The following IRGM variants were observed in gnomAD, a reference collection of about 807,000 sequenced individuals.
IRGM encodes immunity-related GTPase family M protein.
For missense variants in IRGM, 288 were observed against 219.9 expected, an observed-to-expected ratio of 1.31 and a Z score of -1.96; for synonymous variants, 98 against 80.6, an observed-to-expected ratio of 1.22 and a Z score of -1.16.
chr5:150,849,358 A>G (rs113394348), downstream of IRGM, among the ~76,000 whole-genome samples: 1,899 of 152,328 alleles, frequency 0.012, 47 homozygotes, highest in African/African-American at 0.044. Flanking sequence ...TAACTAACGA[A>G]GGAATATAAA....
intron 3 of IRGM, chr5:150,897,020 T>A: frequency 6.9e-7 from 1 of 1,452,678 alleles, no homozygotes; most frequent in Non-Finnish European, 9.3e-7. Context: ...AAGAGTCAAT[T>A]AAGAGGGTAA....
intron 1 of IRGM, among the ~76,000 whole-genome samples, chr5:150,865,980 C>T (rs1235552850): frequency 6.6e-6 from 1 of 152,198 alleles, no homozygotes. Flanking sequence ...TGGTCTTAAA[C>T]TCCTGACCTC....
At position 150,847,846 on chromosome 5, in the gene IRGM, A is replaced by T. The variant is rs1753896763; in HGVS notation, c.-278A>T. 1.9e-5 allele frequency: 7 copies of T among 371,498 alleles called. No individual in the cohort carries two copies. In the South Asian group the frequency reaches 2.4e-4, roughly 13 times the overall value. The allele number at this position is 371,498 out of a possible 1,614,324, so 23.0% of individuals were successfully genotyped here. A position where few individuals can be genotyped will look rare whatever the true frequency, so the allele number is the denominator to read the frequency against. On this transcript the variant is annotated 5_prime_UTR_variant, in exon 2 of 2. Transcript: ENST00000522154. ...TGAGATGGAGTCTTGCTCTGTTGCC[A>T]GGCTGGAGTGCAATGGCGTGATCTC... is the stretch of plus-strand genomic sequence containing the variant.
intron 1 of IRGM, among the ~76,000 whole-genome samples, chr5:150,869,700 T>C (rs1754254742): frequency 6.6e-6 from 1 of 152,170 alleles, no homozygotes; most frequent in Non-Finnish European, 1.5e-5. Flanking sequence ...CCTGGTTTAA[T>C]CTGTGAGGGT....
chr5:150,861,283 C>G (rs761275539), intron 1 of IRGM, among the ~76,000 whole-genome samples: 2 of 152,044 alleles, frequency 1.3e-5, no homozygotes, highest in African/African-American at 4.8e-5. Flanking sequence ...CCAAGTGGCT[C>G]TCTCAGAGTT....
At position 150,848,123 on chromosome 5, in the gene IRGM, G is replaced by A; in HGVS notation, c.-1G>A. On this transcript the variant is annotated 5_prime_UTR_variant, in exon 2 of 2. Coordinates refer to ENST00000522154, the MANE Select transcript of IRGM (RefSeq NM_001145805.2). The stretch of plus-strand genomic sequence containing the variant: ...GCCAGCATTGGGGTATTTTATTGAA[G>A]ATGGAAGCCATGAATGTTGAGAAAG... 1 of 1,539,424 alleles carries A rather than the reference G, an allele frequency of 6.5e-7. No individual in the cohort carries two copies. The highest frequency in any genetic ancestry group is 8.8e-7 in the Non-Finnish European group (1 of 1,139,558).
rs567435751 is a variant in IRGM, at chr5:150,854,676, A to C, written c.158+6022A>C. On this transcript the variant is annotated intron_variant and NMD_transcript_variant, in intron 1 of 3. Transcript: ENST00000520549. ...CTGCAACCTTTCTGCTGAGAAACTT[A>C]CTGAAAATCTTATTGAGAATAGCTT... Among the ~76,000 whole-genome samples the C allele has an allele frequency of 3.1e-4, 47 of 152,288 alleles. No homozygotes were observed. The South Asian group carries it at 9.7e-3, about 32-fold the overall frequency.
At chr5:150,870,246 A>T (rs1754264220) in intron 1 of IRGM, among the ~76,000 whole-genome samples, 1 of 152,126 alleles carries the variant, frequency 6.6e-6, no homozygotes, top group Admixed American at 6.5e-5. Context: ...CACATCCCTA[A>T]CCTCGGCAAA....
At position 150,876,990 on chromosome 5, in the gene IRGM, A is replaced by C. The variant is rs141193690; in HGVS notation, c.159-990A>C. Among the ~76,000 whole-genome samples the C allele has an allele frequency of 2.7e-3, 411 of 152,256 alleles. 2 individuals are homozygous for C. The highest frequency in any genetic ancestry group is 9.5e-3 in the African/African-American group (395 of 41,552). On this transcript the variant is annotated intron_variant and NMD_transcript_variant, in intron 1 of 3. Transcript: ENST00000520549. ...ATTTATTGACTTTATATTAGCATTTAAGCGTTGTTAATTTTATGTAATAGC... is the reference window on the plus strand; with the variant it reads ...ATTTATTGACTTTATATTAGCATTTCAGCGTTGTTAATTTTATGTAATAGC...
chr5:150,877,214 G>T (rs1252966140), intron 1 of IRGM, among the ~76,000 whole-genome samples: 1 of 152,146 alleles, frequency 6.6e-6, no homozygotes, highest in Non-Finnish European at 1.5e-5. Flanking sequence ...GCAGAGTATT[G>T]TTCCTGGGTG....
chr5:150,873,798 G>A (rs543284197), intron 1 of IRGM, among the ~76,000 whole-genome samples: 3 of 152,324 alleles, frequency 2.0e-5, no homozygotes, highest in Non-Finnish European at 4.4e-5. Context: ...CCAAATGGAA[G>A]CCATTAGAGC....
intron 1 of IRGM, among the ~76,000 whole-genome samples, chr5:150,862,516 G>A (rs1754150793): frequency 6.6e-6 from 1 of 152,186 alleles, no homozygotes; most frequent in Non-Finnish European, 1.5e-5. Flanking sequence ...ACTTATTTCA[G>A]CCAATGGATT....
intron 1 of IRGM, among the ~76,000 whole-genome samples, chr5:150,856,910 A>T (rs1454810827): frequency 2.1e-4 from 15 of 70,016 alleles, no homozygotes; most frequent in African/African-American, 1.1e-3. Context: ...TAAATAAATA[A>T]ATATTTATTA....
intron 1 of IRGM, among the ~76,000 whole-genome samples, chr5:150,856,292 A>T (rs1408959887): frequency 6.6e-6 from 1 of 152,056 alleles, no homozygotes; most frequent in South Asian, 2.1e-4. Context: ...TTAGCCAGGC[A>T]TGGTGGTGTG....
intron 3 of IRGM, among the ~76,000 whole-genome samples, chr5:150,882,827 A>G (rs1168215533): frequency 1.3e-5 from 2 of 152,202 alleles, no homozygotes; most frequent in East Asian, 3.8e-4. Flanking sequence ...CAGAAAATCA[A>G]TAAGGAAACA....
chr5:150,897,889 C>T (rs1754849896), intron 3 of IRGM: 1 of 715,576 alleles, frequency 1.4e-6, no homozygotes, highest in East Asian at 2.8e-5. Flanking sequence ...TATATACACA[C>T]AAGAGACAGG....
chr5:150,899,027 TC>T (rs1754901664), intron 3 of IRGM, among the ~76,000 whole-genome samples: 1 of 151,820 alleles, frequency 6.6e-6, no homozygotes, highest in South Asian at 2.1e-4. Flanking sequence ...TGTGTCCTCA[TC>T]CAAAGGGGGA....
chr5:150,862,362 T>C (rs1015803417), intron 1 of IRGM, among the ~76,000 whole-genome samples: 1 of 152,190 alleles, frequency 6.6e-6, no homozygotes, highest in African/African-American at 2.4e-5. Context: ...ACAGTTCCTG[T>C]CCACATTCAA....
intron 1 of IRGM, among the ~76,000 whole-genome samples, chr5:150,855,637 C>T (rs1260965512): frequency 6.6e-6 from 1 of 152,142 alleles, no homozygotes; most frequent in East Asian, 1.9e-4. Context: ...CTTTAAGGCA[C>T]CTTCATCTTT....
Sources: allele counts gnomAD v4.1 joint callset (sites outside exome capture counted in the v4.1 genomes callset), GRCh38; gene constraint gnomAD v4.1.1; transcripts MANE v1.5; gene names NCBI Gene and HGNC (gene_info 2026-07-23, HGNC 2026-07-21).